The following SERPINB11 variants were observed in gnomAD, a reference collection of about 807,000 sequenced individuals.
SERPINB11 encodes serpin family B member 11.
A neutral mutation model predicts 36.7 loss-of-function variants in SERPINB11; 32 were observed. That is an observed-to-expected ratio of 0.87 (90% CI 0.66 to 1.17). The LOEUF (loss-of-function observed/expected upper bound fraction) is 1.17, where lower values mean the gene tolerates loss of function less well. Ranked by LOEUF, SERPINB11 falls within the 50% of genes most tolerant of loss-of-function variation. The pLI is 0.00. For synonymous variants in SERPINB11, 174 were observed against 168.1 expected (o/e 1.04, Z -0.27); for missense variants, 528 against 458.4 (o/e 1.15, Z -1.39).
rs747879910 is a variant in SERPINB11 at position 63,716,059 on chromosome 18, T to A, written c.382T>A (p.Trp128Arg). ...HQQYLSCSEK[W>R]YQARLQTVDF... The stretch of plus-strand genomic sequence containing the variant: ...GCAATATTTAAGCTGTTCTGAGAAA[T>A]GGTATCAAGCCAGGTTGCAAACTGT... Residue 128 changes from tryptophan to arginine, a missense_variant, in exon 5 of 8, where the codon TGG (tryptophan) becomes AGG (arginine). By Grantham distance (101) the Trp-to-Arg change is moderately radical. Coordinates refer to ENST00000544088, the MANE Select transcript of SERPINB11 (RefSeq NM_001370475.1). 3 of 1,610,712 alleles carry A rather than the reference T, an allele frequency of 1.9e-6. No homozygotes were observed. Among genetic ancestry groups the A allele is most frequent in the South Asian group, 2.2e-5 (2 of 90,576 alleles).
At chr18:63,717,637 C>T (rs1342093753) in intron 5 of SERPINB11, among the ~76,000 whole-genome samples, 6 of 152,020 alleles carry the variant, frequency 3.9e-5, no homozygotes, top group Non-Finnish European at 1.5e-5. Context: ...TGCTGCATAT[C>T]CTCCTTTGTG....
chr18:63,720,283 ATTT>A, intron 6 of SERPINB11, 128 bp downstream of exon 6: 2 of 827,430 alleles, frequency 2.4e-6, no homozygotes, highest in Non-Finnish European at 3.7e-6. Context: ...TTTTTATTGT[ATTT>A]TCTACAGATT....
intron 1 of SERPINB11, chr18:63,705,882 G>A (rs923704439): frequency 6.6e-6 from 1 of 152,178 alleles, no homozygotes; most frequent in African/African-American, 2.4e-5. Flanking sequence ...TATACTTCAC[G>A]ATTGGAAGTG....
Position 63,710,302 on chromosome 18 carries a change from T to A in SERPINB11, c.109T>A (p.Tyr37Asn), listed in dbSNP as rs1914486027. ...CTTCTTTTCTTCGCTGAGTCTGCTT[T>A]ATGCTCTAAGCATGGTCCTCCTTGG... Reference protein sequence around the residue: ...NIFFSSLSLLYALSMVLLGAR... With the variant: ...NIFFSSLSLLNALSMVLLGAR... Residue 37 changes from tyrosine to asparagine, a missense_variant, in exon 2 of 8, where the codon TAT becomes AAT. Tyr to Asn is a moderately radical substitution (Grantham distance 143, BLOSUM62 -2). Coordinates refer to ENST00000544088, the MANE Select transcript of SERPINB11 (RefSeq NM_001370475.1). 2.5e-6 allele frequency: 4 copies of A among 1,613,788 alleles called. No homozygotes were observed. The highest frequency in any genetic ancestry group is 3.4e-6 in the Non-Finnish European group (4 of 1,179,816).
chr18:63,720,127 C>A lies in SERPINB11; in HGVS notation c.590C>A (p.Thr197Lys). The change falls in exon 6 of 8, where the codon ACA becomes AAA. Residue 197 changes from threonine to lysine, a missense_variant. Thr to Lys is a moderately conservative substitution (Grantham distance 78, BLOSUM62 -1). Coordinates refer to ENST00000544088, the MANE Select transcript of SERPINB11 (RefSeq NM_001370475.1). The stretch of plus-strand genomic sequence containing the variant: ...CAAAATAAATTTCAAGTAAGAGAGA[C>A]AGTTAAAAGTCCTTTTCAGCTAAGT... ...QWQNKFQVRE[T>K]VKSPFQLSEG... The A allele has an allele frequency of 1.2e-6, 2 of 1,607,788 alleles. No homozygotes were observed. Among genetic ancestry groups the A allele is most frequent in the Non-Finnish European group, 1.7e-6 (2 of 1,175,636 alleles).
At chr18:63,712,483 C>G in intron 3 of SERPINB11, 82 bp from the exon 4 acceptor site, 1 of 1,452,318 alleles carries the variant, frequency 6.9e-7, no homozygotes. Flanking sequence ...AGGCAAACAC[C>G]TTGCTCTCTA....
chr18:63,711,626 A>G (rs1914528921), intron 3 of SERPINB11, among the ~76,000 whole-genome samples: 1 of 152,082 alleles, frequency 6.6e-6, no homozygotes, highest in Non-Finnish European at 1.5e-5. Context: ...TGCCATCTTT[A>G]CTCAAACTTT....
In SERPINB11 at chr18:63,723,284, C is replaced by T. The variant is rs201765704; in HGVS notation, c.1064C>T (p.Ala355Val). The change falls in exon 8 of 8, where the codon GCT (alanine) becomes GTT (valine). Residue 355 changes from alanine (A) to valine (V), a missense_variant. Physicochemically the swap from Ala to Val is moderately conservative, Grantham distance 64 (BLOSUM62 0). Transcript: ENST00000544088. ...GCAGCAGCCACTGGGGACAGCATCG[C>T]TGTAAAAAGCCTACCAATGAGAGCT... ...EAAAATGDSI[A>V]VKSLPMRAQF... The T allele has an allele frequency of 2.0e-4, 315 of 1,613,970 alleles. 2 individuals carry two copies. The Admixed American group carries it at 4.6e-3, about 24-fold the overall frequency.
chr18:63,703,885 C>T (rs903439926), intron 1 of SERPINB11, among the ~76,000 whole-genome samples: 1 of 152,228 alleles, frequency 6.6e-6, no homozygotes, highest in Non-Finnish European at 1.5e-5. Context: ...CTCTTCTCAA[C>T]CTCAAAGGGC....
In SERPINB11 at chr18:63,723,051, G is replaced by A; in HGVS notation, c.831G>A (p.Met277Ile). 1 of 1,603,092 alleles carries A rather than the reference G, an allele frequency of 6.2e-7. No individual in the cohort carries two copies. The highest frequency in any genetic ancestry group is 8.5e-7 in the Non-Finnish European group (1 of 1,174,744). The change falls in exon 8 of 8, where the codon ATG (methionine) becomes ATA (isoleucine). Residue 277 changes from methionine to isoleucine, a missense_variant. Met to Ile is a conservative substitution (Grantham distance 10, BLOSUM62 1). Coordinates refer to ENST00000544088, the MANE Select transcript of SERPINB11 (RefSeq NM_001370475.1). ...TFHEWTSSSN[M>I]MEREVEVHLP... ...ATGAGTGGACAAGCTCTTCTAACAT[G>A]ATGGAAAGAGAAGTTGAAGTACACC...
At chr18:63,721,664 G>A (rs1568188576) in intron 7 of SERPINB11, among the ~76,000 whole-genome samples, 1 of 151,998 alleles carries the variant, frequency 6.6e-6, no homozygotes, top group African/African-American at 2.4e-5. Context: ...TGAGCAAGGT[G>A]TGTGTGTGTG....
Position 63,716,116 on chromosome 18 carries a change from A to C in SERPINB11, c.439A>C (p.Lys147Gln). ...TGAACAGTCTACAGAAGAAACGAGG[A>C]AAACGATTAATGCTTGGGTTGAAAA... The part of the protein sequence containing the change: ...DFEQSTEETR[K>Q]TINAWVENKT... The change falls in exon 5 of 8, where the codon AAA (lysine) becomes CAA (glutamine). Residue 147 changes from lysine to glutamine, a missense_variant. By Grantham distance (53) the Lys-to-Gln change is moderately conservative. Transcript: ENST00000544088. 1 of 1,610,288 alleles carries C rather than the reference A, an allele frequency of 6.2e-7. No individual in the cohort carries two copies. Among genetic ancestry groups the C allele is most frequent in the South Asian group, 1.1e-5 (1 of 90,574 alleles).
At chr18:63,721,936 A>G (rs576884861) in intron 7 of SERPINB11, among the ~76,000 whole-genome samples, 1 of 152,200 alleles carries the variant, frequency 6.6e-6, no homozygotes, top group African/African-American at 2.4e-5. Flanking sequence ...TTGGAGGCAT[A>G]ATGCAGTTTG....
intron 1 of SERPINB11, among the ~76,000 whole-genome samples, chr18:63,709,012 C>G (rs1462472087): frequency 6.6e-6 from 1 of 152,200 alleles, no homozygotes; most frequent in Non-Finnish European, 1.5e-5. Context: ...TCCCTGAGAT[C>G]AGAAACTATT....
At chr18:63,719,890 T>A in intron 5 of SERPINB11, 123 bp from the exon 6 acceptor site, 1 of 705,902 alleles carries the variant, frequency 1.4e-6, no homozygotes, top group Non-Finnish European at 2.2e-6. Flanking sequence ...AAAGGAGTTC[T>A]TCTGGTATCT....
intron 5 of SERPINB11, among the ~76,000 whole-genome samples, chr18:63,718,747 C>G (rs1387897486): frequency 6.6e-6 from 1 of 151,982 alleles, no homozygotes; most frequent in Non-Finnish European, 1.5e-5. Flanking sequence ...TCAATAGTAT[C>G]TTTTTGATTG....
At chr18:63,704,509 A>T (rs1429083319) in intron 1 of SERPINB11, among the ~76,000 whole-genome samples, 1 of 152,356 alleles carries the variant, frequency 6.6e-6, no homozygotes, top group Non-Finnish European at 1.5e-5. Flanking sequence ...AACAAAGTTC[A>T]TTTGATATTT....
intron 5 of SERPINB11, among the ~76,000 whole-genome samples, chr18:63,716,422 A>T (rs1053209119): frequency 6.6e-6 from 1 of 152,208 alleles, no homozygotes; most frequent in African/African-American, 2.4e-5. Context: ...ACTTTTCACA[A>T]TTAAAAACCC....
intron 1 of SERPINB11, among the ~76,000 whole-genome samples, chr18:63,708,908 C>A (rs1914442279): frequency 6.6e-6 from 1 of 152,116 alleles, no homozygotes; most frequent in Non-Finnish European, 1.5e-5. Flanking sequence ...AAGGAGCAGT[C>A]AAGGAGGCAG....
Sources: gnomAD v4.1 joint callset for allele counts (sites outside exome capture counted in the v4.1 genomes callset) on GRCh38, gnomAD v4.1.1 for gene constraint, MANE v1.5 for transcripts, NCBI Gene and HGNC (gene_info 2026-07-23, HGNC 2026-07-21) for gene names.